ZNF680: variants seen among roughly 807,000 people sequenced by gnomAD.
ZNF680 encodes the protein zinc finger protein 680.
A neutral mutation model predicts 12.1 loss-of-function variants in ZNF680; 6 were observed. The ratio of observed to expected loss-of-function variants is 0.49; its 90% CI spans 0.27 to 0.98. The LOEUF is 0.98. Among genes scored for constraint, ZNF680 ranks in the 50% least tolerant of loss-of-function variants. The pLI, the probability that ZNF680 is intolerant of heterozygous loss-of-function variation, is 0.12. For missense variants in ZNF680, 561 were observed against 616.3 expected (o/e 0.91, Z 0.95); for synonymous variants, 170 against 199.3 (o/e 0.85, Z 1.24).
At chr7:64,509,621 A>G in the ZNF680 span, among the ~76,000 whole-genome samples, 13 of 152,160 alleles carry the variant, frequency 8.5e-5, no homozygotes, top group Non-Finnish European at 1.6e-4. Context: ...ATCTTGCCCA[A>G]ATCCAACTAC....
At chr7:64,537,724 G>A (rs914544928) in intron 3 of ZNF680, among the ~76,000 whole-genome samples, 9 of 152,188 alleles carry the variant, frequency 5.9e-5, no homozygotes, top group African/African-American at 9.6e-5. Flanking sequence ...TCAGGAGATC[G>A]AGACCATCCT....
the ZNF680 span, among the ~76,000 whole-genome samples, chr7:64,512,909 T>C: frequency 6.6e-6 from 1 of 152,132 alleles, no homozygotes; most frequent in African/African-American, 2.4e-5. Flanking sequence ...CTTTAAAAAA[T>C]AAAATCAGCC....
At chr7:64,539,088 G>A (rs1584377828) in intron 3 of ZNF680, among the ~76,000 whole-genome samples, 1 of 134,692 alleles carries the variant, frequency 7.4e-6, no homozygotes, top group African/African-American at 2.9e-5. Flanking sequence ...CCAAGATTGT[G>A]CCATTGCACT....
chr7:64,539,695 A>G (rs113768365), intron 3 of ZNF680, among the ~76,000 whole-genome samples: 10,069 of 152,292 alleles, frequency 0.066, 475 homozygotes, highest in Admixed American at 0.1. Context: ...CTGTCACCCA[A>G]GCTGGAGTGC....
At chr7:64,518,815 C>T (rs1034455914), downstream of ZNF680, among the ~76,000 whole-genome samples, 1 of 151,864 alleles carries the variant, frequency 6.6e-6, no homozygotes, top group Non-Finnish European at 1.5e-5. Flanking sequence ...ACTGGAAACT[C>T]ATCTCACAAC....
intron 1 of ZNF680, among the ~76,000 whole-genome samples, chr7:64,555,660 A>G (rs1216027248): frequency 6.6e-6 from 1 of 151,552 alleles, no homozygotes; most frequent in Non-Finnish European, 1.5e-5. Flanking sequence ...CCAAAATCAG[A>G]TCTGAACTGA....
rs529165573 is a variant in ZNF680 at position 64,539,130 on chromosome 7, CAA to C, written c.253+4575_253+4576del. Among the ~76,000 whole-genome samples the C allele has an allele frequency of 9.6e-3, 743 of 77,690 alleles. 6 individuals carry two copies. Among genetic ancestry groups the C allele is most frequent in the African/African-American group, 0.033 (623 of 18,744 alleles). 51.0% of individuals were successfully genotyped at this position (77,690 alleles called of 152,430 possible). A position where few individuals can be genotyped will look rare whatever the true frequency, so the allele number is the denominator to read the frequency against. On this transcript the variant is annotated intron_variant, in intron 3 of 3. Coordinates refer to ENST00000309683, the MANE Select transcript of ZNF680 (RefSeq NM_178558.5). ...TGGGAGGCAGAGCAAGACTCCATCT[CAA>C]AAAAAAAAAAAAAAAAAAGCCAAAA...
chr7:64,525,343 T>C (rs1791780453), intron 3 of ZNF680: 1 of 152,076 alleles, frequency 6.6e-6, no homozygotes, highest in African/African-American at 2.4e-5. Flanking sequence ...AATTACTCAG[T>C]AGATATAATC....
At chr7:64,524,169 T>C (rs1441231180) in intron 3 of ZNF680, among the ~76,000 whole-genome samples, 3 of 146,248 alleles carry the variant, frequency 2.1e-5, no homozygotes, top group African/African-American at 7.8e-5. Context: ...TTTTTTGAGA[T>C]GGAGTTTCGC....
chr7:64,561,644 G>A (rs1393489784), intron 1 of ZNF680, among the ~76,000 whole-genome samples: 1 of 152,140 alleles, frequency 6.6e-6, no homozygotes, highest in African/African-American at 2.4e-5. Flanking sequence ...TATCAAAAAT[G>A]TACACTAGGG....
the ZNF680 span, among the ~76,000 whole-genome samples, chr7:64,505,252 G>A: frequency 6.6e-6 from 1 of 152,080 alleles, no homozygotes; most frequent in Non-Finnish European, 1.5e-5. Context: ...TCATCTAATT[G>A]TTACTTTTAT....
chr7:64,557,032 C>T (rs947229896), intron 1 of ZNF680, among the ~76,000 whole-genome samples: 2 of 152,170 alleles, frequency 1.3e-5, no homozygotes, highest in Non-Finnish European at 2.9e-5. Flanking sequence ...GGGCGGATCA[C>T]GAGGCCAGGA....
the ZNF680 span, among the ~76,000 whole-genome samples, chr7:64,508,142 T>TATATATATATATATAC: frequency 8.9e-5 from 10 of 112,176 alleles, no homozygotes; most frequent in East Asian, 1.5e-3. Context: ...TATATATATA[T>TATATATATATATATAC]ACATAATTTT....
intron 3 of ZNF680, among the ~76,000 whole-genome samples, chr7:64,538,825 C>T (rs1786319817): frequency 6.6e-6 from 1 of 152,030 alleles, no homozygotes; most frequent in Non-Finnish European, 1.5e-5. Context: ...GTTTCTTGTA[C>T]CAGCATCACA....
chr7:64,554,961 G>A (rs906912330), intron 1 of ZNF680, among the ~76,000 whole-genome samples: 8 of 151,698 alleles, frequency 5.3e-5, no homozygotes, highest in African/African-American at 1.7e-4. Flanking sequence ...CCCCCTCTCC[G>A]AGAAACACCC....
At chr7:64,545,437 TACTA>T (rs1786740637) in intron 1 of ZNF680, among the ~76,000 whole-genome samples, 1 of 152,146 alleles carries the variant, frequency 6.6e-6, no homozygotes, top group Non-Finnish European at 1.5e-5. Flanking sequence ...TAAAGATACT[TACTA>T]ATGAAAAGTA....
intron 1 of ZNF680, among the ~76,000 whole-genome samples, chr7:64,558,730 G>GATTGCAAAGTTTAGGCAGAGGAGGAAA (rs1787556524): frequency 6.6e-6 from 1 of 151,222 alleles, no homozygotes; most frequent in African/African-American, 2.4e-5. Context: ...AAAGGAGGAA[G>GATTGCAAAGTTTAGGCAGAGGAGGAAA]CACCAACTAT....
chr7:64,560,669 G>A (rs1787684334), intron 1 of ZNF680, among the ~76,000 whole-genome samples: 1 of 152,086 alleles, frequency 6.6e-6, no homozygotes, highest in Admixed American at 6.5e-5. Flanking sequence ...AAAATTAGCT[G>A]AGTGTGGTGG....
the ZNF680 span, among the ~76,000 whole-genome samples, chr7:64,503,620 A>G: frequency 6.6e-6 from 1 of 152,116 alleles, no homozygotes; most frequent in Non-Finnish European, 1.5e-5. Flanking sequence ...ACCTCAGGCG[A>G]TCCGCCCACC....
Sources: allele counts gnomAD v4.1 joint callset (sites outside exome capture counted in the v4.1 genomes callset), GRCh38; gene constraint gnomAD v4.1.1; transcripts MANE v1.5; gene names NCBI Gene and HGNC (gene_info 2026-07-23, HGNC 2026-07-21).